The following FBL variants were observed in gnomAD, a reference collection of about 807,000 sequenced individuals.
FBL encodes fibrillarin rRNA 2'-O-methyltransferase.
A neutral mutation model predicts 42.2 loss-of-function variants in FBL; 10 were observed. The ratio of observed to expected loss-of-function variants is 0.24; its 90% CI spans 0.15 to 0.40. The LOEUF (loss-of-function observed/expected upper bound fraction) is 0.40, where lower values mean the gene tolerates loss of function less well. FBL is among the 10% of genes least tolerant of loss of function. The pLI, the probability that FBL is intolerant of heterozygous loss-of-function variation, is 1.00. For missense variants in FBL, 351 were observed against 439.2 expected (o/e 0.80, Z 1.79); for synonymous variants, 165 against 165.4 (o/e 1.00, Z 0.02).
intron 1 of FBL, among the ~76,000 whole-genome samples, chr19:39,844,348 CAGATACTCAAAA>C (rs1568542706): frequency 6.6e-6 from 1 of 152,112 alleles, no homozygotes; most frequent in East Asian, 1.9e-4. Context: ...CTTTCAATCC[CAGATACTCAAAA>C]CATCTCAATC....
At position 39,834,566 on chromosome 19, in the gene FBL, T is replaced by C. The variant is rs375486808; in HGVS notation, c.942-4A>G. The C allele has an allele frequency of 1.3e-5, 21 of 1,613,956 alleles. No homozygotes were observed. Among genetic ancestry groups the C allele is most frequent in the Admixed American group, 1.7e-5 (1 of 59,980 alleles). ...GTTCTTCACCTTGGGGGGTGGCCTGTGAGAGGAAGATAGGTGATGAAGGAG... is the reference window on the plus strand; with the variant it reads ...GTTCTTCACCTTGGGGGGTGGCCTGCGAGAGGAAGATAGGTGATGAAGGAG... On this transcript the variant is annotated splice_polypyrimidine_tract_variant and splice_region_variant and intron_variant, in intron 8 of 8. Coordinates refer to ENST00000221801, the MANE Select transcript of FBL (RefSeq NM_001436.4).
At position 39,839,043 on chromosome 19, in the gene FBL, C is replaced by T. The variant is rs1969105724; in HGVS notation, c.541G>A (p.Val181Ile). The T allele has an allele frequency of 4.3e-6, 7 of 1,610,468 alleles. No homozygotes were observed. The highest frequency in any genetic ancestry group is 5.1e-6 in the Non-Finnish European group (6 of 1,178,330). The change falls in exon 5 of 9, where the codon GTT becomes ATT. Residue 181 changes from valine to isoleucine, a missense_variant. By Grantham distance (29) the Val-to-Ile change is conservative (BLOSUM62 3). Coordinates refer to ENST00000221801, the MANE Select transcript of FBL (RefSeq NM_001436.4). ...GTTVSHVSDI[V>I]GPDGLVYAVE... ...TCCATCTACTCACTCACCGGACCAA[C>T]GATGTCAGAGACATGGGAGACCGTG...
At chr19:39,838,697 T>G (rs1452998928) in intron 5 of FBL, 1 of 205,426 alleles carries the variant, frequency 4.9e-6, no homozygotes, top group African/African-American at 2.3e-5. Flanking sequence ...CATGAAGATC[T>G]CCTGGTTCTT....
At chr19:39,839,226 G>T (rs1422438171) in intron 4 of FBL, 21 bp from the exon 5 acceptor site, 1 of 1,598,292 alleles carries the variant, frequency 6.3e-7, no homozygotes, top group Admixed American at 1.7e-5. Context: ...GATGGGGACA[G>T]AAGTCAGTGC....
In FBL at chr19:39,840,895, G is replaced by T; in HGVS notation, c.11-108C>A. 9.4e-7 allele frequency: 1 copy of T among 1,061,728 alleles called. No individual in the cohort carries two copies. The highest frequency in any genetic ancestry group is 1.3e-6 in the Non-Finnish European group (1 of 758,522). 65.8% of individuals were successfully genotyped at this position (1,061,728 alleles called of 1,614,324 possible). A position where few individuals can be genotyped will look rare whatever the true frequency, so the allele number is the denominator to read the frequency against. On this transcript the variant is annotated intron_variant, in intron 1 of 8. Coordinates refer to ENST00000221801, the MANE Select transcript of FBL (RefSeq NM_001436.4). The surrounding 1 kb of genome is among the most constrained non-coding windows in gnomAD (Gnocchi z 4.5). ...AGAAACCTGAAATACATGTGCCCGTGTACAGCAGGACACATTTCCAAGAAT... is the reference window on the plus strand; with the variant it reads ...AGAAACCTGAAATACATGTGCCCGTTTACAGCAGGACACATTTCCAAGAAT...
chr19:39,840,388 G>A lies in FBL; in HGVS notation c.283+26C>T, dbSNP rs1349580140. ...CAGCCTCTCCCTGCCCCGAAGCTCA[G>A]CCGGCTCCCTGCCTTCCTCACTCAC... On this transcript the variant is annotated intron_variant, in intron 3 of 8. Transcript: ENST00000221801. The surrounding 1 kb of genome is among the most constrained non-coding windows in gnomAD (Gnocchi z 4.5). 1 of 1,613,260 alleles carries A rather than the reference G, an allele frequency of 6.2e-7. No homozygotes were observed.
In FBL at chr19:39,834,795, T is replaced by A. The variant is rs766425511; in HGVS notation, c.814A>T (p.Thr272Ser). 1 of 1,614,184 alleles carries A rather than the reference T, an allele frequency of 6.2e-7. No individual in the cohort carries two copies. Among genetic ancestry groups the A allele is most frequent in the Non-Finnish European group, 8.5e-7 (1 of 1,180,036 alleles). The stretch of plus-strand genomic sequence containing the variant: ...GCAAACACGGCCTCGGCTGAGGCTG[T>A]GGAGTCAATGCAGTTGGCCTAAAGA... ...ISIKANCIDS[T>S]ASAEAVFASE... The change falls in exon 8 of 9, where the codon ACA becomes TCA. Residue 272 changes from threonine (T) to serine (S), a missense_variant. Coordinates refer to ENST00000221801, the MANE Select transcript of FBL (RefSeq NM_001436.4).
intron 6 of FBL, among the ~76,000 whole-genome samples, chr19:39,837,109 A>G (rs774763142): frequency 6.6e-6 from 1 of 152,232 alleles, no homozygotes; most frequent in Non-Finnish European, 1.5e-5. Context: ...TGGGAAAAAT[A>G]AAACACAGAA....
At chr19:39,842,766 T>G (rs1486799116) in intron 1 of FBL, among the ~76,000 whole-genome samples, 1 of 152,120 alleles carries the variant, frequency 6.6e-6, no homozygotes, top group Non-Finnish European at 1.5e-5. Context: ...CTGATTTCAT[T>G]GTTCTGGGCG....
intron 1 of FBL, among the ~76,000 whole-genome samples, chr19:39,845,863 G>A (rs2145070271): frequency 6.6e-6 from 1 of 152,250 alleles, no homozygotes; most frequent in South Asian, 2.1e-4. Flanking sequence ...GCAAATGGGG[G>A]CTTCCCACAC....
chr19:39,845,055 G>C (rs1969234644), intron 1 of FBL, among the ~76,000 whole-genome samples: 2 of 152,098 alleles, frequency 1.3e-5, no homozygotes, highest in South Asian at 4.1e-4. Flanking sequence ...CCCAAACACG[G>C]AAGAGAAAGG....
At chr19:39,837,183 G>A (rs989575038) in intron 6 of FBL, among the ~76,000 whole-genome samples, 20 of 152,184 alleles carry the variant, frequency 1.3e-4, no homozygotes, top group African/African-American at 4.8e-4. Context: ...AAAATGAAAA[G>A]GTGGTATAAT....
intron 1 of FBL, among the ~76,000 whole-genome samples, chr19:39,845,291 ATGT>A (rs1385043377): frequency 6.6e-6 from 1 of 152,246 alleles, no homozygotes; most frequent in Admixed American, 6.5e-5. Flanking sequence ...AAGGATTCTA[ATGT>A]TGTTCTCTTT....
chr19:39,839,271 C>T, intron 4 of FBL, 66 bp from the exon 5 acceptor site: 1 of 1,379,542 alleles, frequency 7.2e-7, no homozygotes, highest in Non-Finnish European at 9.9e-7. Context: ...GCCTTTAACC[C>T]TAGGAGCCTT....
Position 39,840,808 on chromosome 19 carries a change from G to A in FBL, c.11-21C>T, listed in dbSNP as rs769203049. On this transcript the variant is annotated intron_variant, in intron 1 of 8. Coordinates refer to ENST00000221801, the MANE Select transcript of FBL (RefSeq NM_001436.4). This position sits in a 1 kb window ranked among gnomAD's most constrained non-coding sequence, Gnocchi z 4.5. ...GAATCCTGTGGGGGAAACAAAACAG[G>A]AGTCAGGGCAATGAAGCTTAAAAGG... The A allele has an allele frequency of 7.9e-6, 12 of 1,517,262 alleles. No homozygotes were observed. Among genetic ancestry groups the A allele is most frequent in the Non-Finnish European group, 9.7e-6 (11 of 1,130,482 alleles). The allele number at this position is 1,517,262 out of a possible 1,614,324, so 94.0% of individuals were successfully genotyped here. A position where few individuals can be genotyped will look rare whatever the true frequency, so the allele number is the denominator to read the frequency against.
At chr19:39,845,787 T>C (rs1969252512) in intron 1 of FBL, among the ~76,000 whole-genome samples, 1 of 152,076 alleles carries the variant, frequency 6.6e-6, no homozygotes, top group South Asian at 2.1e-4. Context: ...CCTCATCCAC[T>C]CCGGCCCACT....
Position 39,834,536 on chromosome 19 carries a change from C to T in FBL, c.*2G>A, listed in dbSNP as rs747451342. ...CTCTCGCAATCCTGACAGCGCTGAACTTCAGTTCTTCACCTTGGGGGGTGG... is the reference window on the plus strand; with the variant it reads ...CTCTCGCAATCCTGACAGCGCTGAATTTCAGTTCTTCACCTTGGGGGGTGG... On this transcript the variant is annotated 3_prime_UTR_variant, in exon 9 of 9. Coordinates refer to ENST00000221801, the MANE Select transcript of FBL (RefSeq NM_001436.4). 1.9e-6 allele frequency: 3 copies of T among 1,614,062 alleles called. No homozygotes were observed. The African/African-American group carries it at 4.0e-5, about 22-fold the overall frequency.
At chr19:39,844,384 G>T (rs1296496630) in intron 1 of FBL, among the ~76,000 whole-genome samples, 3 of 151,858 alleles carry the variant, frequency 2.0e-5, no homozygotes, top group Non-Finnish European at 4.4e-5. Context: ...TTCAGGTCCT[G>T]GAGCTTTTGG....
chr19:39,843,014 GTC>G (rs958619902), intron 1 of FBL, among the ~76,000 whole-genome samples: 11 of 152,108 alleles, frequency 7.2e-5, no homozygotes, highest in African/African-American at 2.4e-4. Flanking sequence ...CTGCATTCTG[GTC>G]TCTGATAAAA....
Sources: gnomAD v4.1 joint callset for allele counts (sites outside exome capture counted in the v4.1 genomes callset) on GRCh38, gnomAD v4.1.1 for gene constraint, Gnocchi (gnomAD v3.1) non-coding constraint, MANE v1.5 for transcripts, NCBI Gene and HGNC (gene_info 2026-07-23, HGNC 2026-07-21) for gene names.